TBC1D32: variants seen among roughly 807,000 people sequenced by gnomAD.
TBC1D32 encodes the protein TBC1 domain family member 32.
In TBC1D32, 151 loss-of-function variants were observed where a neutral mutation model predicts 170.3. That is an observed-to-expected ratio of 0.89 (90% CI 0.78 to 1.01). The LOEUF (loss-of-function observed/expected upper bound fraction) is 1.01, where lower values mean the gene tolerates loss of function less well. Ranked by LOEUF, TBC1D32 falls within the 50% of genes least tolerant of loss-of-function variation. TBC1D32 has a pLI of 0.00. For synonymous variants in TBC1D32, 498 were observed against 488.0 expected (o/e 1.02, Z -0.27); for missense variants, 1,464 against 1,457.1 (o/e 1.00, Z -0.08).
chr6:121,185,447 T>G lies in TBC1D32; in HGVS notation c.2570+19628A>C, dbSNP rs1789070649. Reference sequence around the variant, plus strand: ...ATATAAACTATATTTTAGAAAGTCATATAATGCACAATGCCAGATTGGTTG... The same window carrying G: ...ATATAAACTATATTTTAGAAAGTCAGATAATGCACAATGCCAGATTGGTTG... On this transcript the variant is annotated intron_variant, in intron 22 of 31. Transcript: ENST00000398212. 2.0e-5 allele frequency among the ~76,000 whole-genome samples: 3 copies of G among 152,100 alleles called. No homozygotes were observed. In the South Asian group the frequency reaches 6.2e-4, roughly 31 times the overall value.
chr6:121,324,076 TAG>T (rs1810130571), intron 1 of TBC1D32, among the ~76,000 whole-genome samples: 1 of 152,196 alleles, frequency 6.6e-6, no homozygotes, highest in African/African-American at 2.4e-5. Flanking sequence ...TGAAAAAACC[TAG>T]TTAAATTCAT....
intron 2 of TBC1D32, among the ~76,000 whole-genome samples, chr6:121,320,234 A>G (rs11759848): frequency 0.11 from 16,507 of 150,992 alleles, 1,231 homozygotes; most frequent in Non-Finnish European, 0.17. Flanking sequence ...AAACTGGGAA[A>G]AAAAAAAAAA....
Position 121,241,535 on chromosome 6 carries a change from T to G in TBC1D32, c.2175A>C (p.Lys725Asn), listed in dbSNP as rs200104119. Residue 725 changes from lysine (K) to asparagine (N), a missense_variant, in exon 19 of 32, where the codon AAA (lysine) becomes AAC (asparagine). By Grantham distance (94) the Lys-to-Asn change is moderately conservative. Around this residue, in one of 3 missense-constraint regions of TBC1D32, gnomAD observed 1,363 missense variants for 1,338.1 expected, o/e 1.02. Transcript: ENST00000398212. ...GTGTAACCAAAACTCCATAGCCAAA[T>G]TTTTTATGCCTGCTGACCTAACAGC... ...AKKLQVSRHK[K>N]FGYGVLVTRV... The G allele has an allele frequency of 4.4e-5, 71 of 1,613,304 alleles. No homozygotes were observed. The highest frequency in any genetic ancestry group is 5.8e-5 in the Non-Finnish European group (69 of 1,179,642).
At chr6:121,132,361 C>T (rs1781530071) in intron 24 of TBC1D32, among the ~76,000 whole-genome samples, 1 of 151,942 alleles carries the variant, frequency 6.6e-6, no homozygotes, top group Admixed American at 6.6e-5. Flanking sequence ...GTGAAAGACA[C>T]TCTCTATACT....
At chr6:121,252,849 T>C (rs554502671) in intron 17 of TBC1D32, among the ~76,000 whole-genome samples, 2 of 152,084 alleles carry the variant, frequency 1.3e-5, no homozygotes, top group East Asian at 3.9e-4. Flanking sequence ...GAAAAAAACA[T>C]TAATTGGGGA....
chr6:121,158,680 CA>C (rs1214379153), intron 24 of TBC1D32, among the ~76,000 whole-genome samples: 2 of 152,142 alleles, frequency 1.3e-5, no homozygotes, highest in African/African-American at 2.4e-5. Flanking sequence ...CAGAGAGCTA[CA>C]ACCCTATACA....
At chr6:121,085,588 G>A (rs1776179777) in intron 31 of TBC1D32, among the ~76,000 whole-genome samples, 1 of 151,724 alleles carries the variant, frequency 6.6e-6, no homozygotes, top group South Asian at 2.1e-4. Flanking sequence ...GTATTTTAAA[G>A]GTTTTCAAGC....
chr6:121,131,269 A>C (rs1781410673), intron 25 of TBC1D32, among the ~76,000 whole-genome samples: 1 of 151,926 alleles, frequency 6.6e-6, no homozygotes. Context: ...ATGAATATAA[A>C]AGTGATTCAG....
chr6:121,310,040 T>C (rs1359494320), intron 4 of TBC1D32, among the ~76,000 whole-genome samples: 4 of 151,566 alleles, frequency 2.6e-5, no homozygotes, highest in Admixed American at 6.6e-5. Flanking sequence ...ATCTTAAATA[T>C]ATATATATAT....
intron 21 of TBC1D32, among the ~76,000 whole-genome samples, chr6:121,220,298 C>T (rs943299596): frequency 1.3e-5 from 2 of 152,098 alleles, no homozygotes; most frequent in African/African-American, 4.8e-5. Flanking sequence ...CCAGGAAACA[C>T]ATGAATAATA....
chr6:121,261,674 G>T (rs1799787888), intron 15 of TBC1D32, among the ~76,000 whole-genome samples: 1 of 152,098 alleles, frequency 6.6e-6, no homozygotes, highest in South Asian at 2.1e-4. Context: ...AGATGAGAAA[G>T]AATCAATGAA....
chr6:121,281,650 A>G lies in TBC1D32; in HGVS notation c.1502T>C (p.Leu501Pro), dbSNP rs1266630462. 6.2e-7 allele frequency: 1 copy of G among 1,601,986 alleles called. No homozygotes were observed. Among genetic ancestry groups the G allele is most frequent in the African/African-American group, 1.3e-5 (1 of 74,404 alleles). Residue 501 changes from leucine to proline, a missense_variant, in exon 14 of 32, where the codon CTG (leucine) becomes CCG (proline). Leu to Pro is a moderately conservative substitution (Grantham distance 98, BLOSUM62 -3). Coordinates refer to ENST00000398212, the MANE Select transcript of TBC1D32 (RefSeq NM_152730.6). ...YSPASMVTEV[L>P]WILSDQKECA... ...TTCTTTTTGATCACTGAGTATCCAC[A>G]GAACTTCAGTCACCATACTTGCAGG...
intron 30 of TBC1D32, among the ~76,000 whole-genome samples, chr6:121,094,731 T>C (rs1336122425): frequency 6.6e-6 from 1 of 152,150 alleles, no homozygotes; most frequent in Non-Finnish European, 1.5e-5. Flanking sequence ...ACTAAAGATG[T>C]TTCCTCCAAC....
chr6:121,265,979 A>T (rs1800423102), intron 15 of TBC1D32, among the ~76,000 whole-genome samples: 1 of 152,150 alleles, frequency 6.6e-6, no homozygotes, highest in South Asian at 2.1e-4. Context: ...CACAGAAGAA[A>T]ACCTAGACAA....
intron 15 of TBC1D32, among the ~76,000 whole-genome samples, chr6:121,271,300 T>C (rs1352300819): frequency 6.6e-6 from 1 of 152,098 alleles, no homozygotes; most frequent in African/African-American, 2.4e-5. Context: ...GGGTATTCAA[T>C]TAGGAAAAGA....
At chr6:121,220,646 T>C (rs139739396) in intron 21 of TBC1D32, among the ~76,000 whole-genome samples, 13 of 149,126 alleles carry the variant, frequency 8.7e-5, no homozygotes, top group African/African-American at 4.9e-5. Flanking sequence ...TTTTCTTTTT[T>C]TTTTTTTTTT....
chr6:121,094,217 G>A (rs1347324464), intron 30 of TBC1D32, among the ~76,000 whole-genome samples: 1 of 151,782 alleles, frequency 6.6e-6, no homozygotes, highest in East Asian at 1.9e-4. Flanking sequence ...ACCCAGGCTG[G>A]AGTGCAGTGG....
rs576777751 is a variant in TBC1D32 at position 121,137,686 on chromosome 6, G to A, written c.2774-5934C>T. ...TATAATTATTTTCTCAGGTCATACA[G>A]GAAAAAAGAGTATATTAAAAATGTA... is the stretch of plus-strand genomic sequence containing the variant. On this transcript the variant is annotated intron_variant, in intron 24 of 31. Transcript: ENST00000398212. 2.6e-5 allele frequency among the ~76,000 whole-genome samples: 4 copies of A among 151,616 alleles called. No homozygotes were observed. In the East Asian group the frequency reaches 7.8e-4, roughly 29 times the overall value.
At chr6:121,281,518 T>C in intron 14 of TBC1D32, 26 bp downstream of exon 14, 1 of 1,587,754 alleles carries the variant, frequency 6.3e-7, no homozygotes, top group Non-Finnish European at 8.6e-7. Flanking sequence ...AAGAGACTCT[T>C]TTTCTCCTTA....
Sources: allele counts gnomAD v4.1 joint callset (sites outside exome capture counted in the v4.1 genomes callset), GRCh38; gene constraint gnomAD v4.1.1; regional missense constraint gnomAD v4.1.1; transcripts MANE v1.5; gene names NCBI Gene and HGNC (gene_info 2026-07-23, HGNC 2026-07-21).